The following PTPRS variants were observed in gnomAD, a reference collection of about 807,000 sequenced individuals.
PTPRS encodes the protein receptor-type tyrosine-protein phosphatase S.
Under a neutral mutation model 215.3 loss-of-function variants are expected in PTPRS, and 63 were observed. That is an observed-to-expected ratio of 0.29 (90% CI 0.24 to 0.36). PTPRS has a LOEUF of 0.36. Among genes scored for constraint, PTPRS ranks in the 10% least tolerant of loss-of-function variants. The pLI is 1.00. For synonymous variants in PTPRS, 1,404 were observed against 1,191.4 expected, an observed-to-expected ratio of 1.18 and a Z score of -3.68; for missense variants, 2,258 against 2,825.8, an observed-to-expected ratio of 0.80 and a Z score of 4.56.
intron 1 of PTPRS, among the ~76,000 whole-genome samples, chr19:5,306,711 C>A (rs2049506696): frequency 6.6e-6 from 1 of 152,138 alleles, no homozygotes; most frequent in African/African-American, 2.4e-5. Context: ...GCATTTTTGT[C>A]TCTCACTGGT....
In PTPRS at chr19:5,239,029, A is replaced by T. The variant is rs1281988358; in HGVS notation, c.1739T>A (p.Val580Glu). The change falls in exon 13 of 38, where the codon GTG (valine) becomes GAG (glutamate). Residue 580 changes from valine to glutamate, a missense_variant. This residue lies in a region of PTPRS where 371 missense variants were observed against 446.7 expected (regional missense o/e 0.83). Transcript: ENST00000262963. ...GRTFDPTTSY[V>E]VEDLKPNTEY... is the part of the protein sequence containing the mutation. ...CGTGTTGGGCTTCAGGTCCTCCACC[A>T]CGTAGGAAGTCGTCGGGTCGAAGGT... 6 of 1,613,374 alleles carry T rather than the reference A, an allele frequency of 3.7e-6. No homozygotes were observed. In the Admixed American group the frequency reaches 6.7e-5, roughly 18 times the overall value.
intron 11 of PTPRS, among the ~76,000 whole-genome samples, chr19:5,241,306 C>T (rs113285925): frequency 4.0e-5 from 6 of 151,218 alleles, no homozygotes; most frequent in African/African-American, 1.2e-4. Context: ...GTTTTTGAAA[C>T]GGGGTCTCAC....
At chr19:5,218,221 C>A (rs1407618180) in intron 25 of PTPRS, among the ~76,000 whole-genome samples, 199 bp downstream of exon 25, 1 of 151,192 alleles carries the variant, frequency 6.6e-6, no homozygotes, top group Non-Finnish European at 1.5e-5. Flanking sequence ...AAAAGCCTCA[C>A]TTGGTTGTAA....
chr19:5,234,166 ATTTT>A (rs770942472), intron 13 of PTPRS, among the ~76,000 whole-genome samples: 4,805 of 152,006 alleles, frequency 0.032, 114 homozygotes, highest in Middle Eastern at 0.071. Flanking sequence ...ATATGGTAAA[ATTTT>A]TCTTGTAGTA....
Position 5,211,846 on chromosome 19 carries a change from A to G in PTPRS, c.5056-78T>C, listed in dbSNP as rs897804679. The G allele has an allele frequency of 1.5e-5, 23 of 1,580,464 alleles. No homozygotes were observed. The African/African-American group carries it at 2.4e-4, about 17-fold the overall frequency. ...TTCAGCTGGAGCACCAATGGTGGATAGGTAGGTAGGGGCACCCTGCCACCA... is the reference window on the plus strand; with the variant it reads ...TTCAGCTGGAGCACCAATGGTGGATGGGTAGGTAGGGGCACCCTGCCACCA... On this transcript the variant is annotated intron_variant, in intron 32 of 37. Transcript: ENST00000262963.
chr19:5,229,855 C>A (rs1398096393), intron 14 of PTPRS, among the ~76,000 whole-genome samples, 171 bp from the exon 15 acceptor site: 1 of 151,920 alleles, frequency 6.6e-6, no homozygotes, highest in Admixed American at 6.5e-5. Flanking sequence ...CTGCACACCC[C>A]CCACAGCCCT....
At chr19:5,243,137 TTTTAA>T (rs1019040304) in intron 11 of PTPRS, among the ~76,000 whole-genome samples, 11 of 151,948 alleles carry the variant, frequency 7.2e-5, no homozygotes, top group South Asian at 2.1e-4. Flanking sequence ...TTTTTTTTTT[TTTTAA>T]TTTAATTTTT....
intron 26 of PTPRS, among the ~76,000 whole-genome samples, chr19:5,215,864 T>C (rs1398225989): frequency 1.3e-5 from 2 of 152,090 alleles, no homozygotes; most frequent in Non-Finnish European, 2.9e-5. Flanking sequence ...GATCACAGCA[T>C]TGGCCCATCC....
intron 11 of PTPRS, among the ~76,000 whole-genome samples, chr19:5,241,598 TA>T (rs1403664199): frequency 2.0e-5 from 3 of 151,650 alleles, no homozygotes; most frequent in African/African-American, 7.3e-5. Context: ...GTGCCTATTT[TA>T]ACATTTGGAT....
intron 14 of PTPRS, among the ~76,000 whole-genome samples, chr19:5,229,913 C>G (rs558673355): frequency 3.6e-4 from 54 of 151,968 alleles, no homozygotes; most frequent in Non-Finnish European, 6.0e-4. Context: ...CTGCCCCCCC[C>G]CGAGTCTAAA....
At position 5,265,162 on chromosome 19, in the gene PTPRS, G is replaced by A; in HGVS notation, c.414C>T (p.Asp138=). 6.2e-7 allele frequency: 1 copy of A among 1,613,972 alleles called. No individual in the cohort carries two copies. The highest frequency in any genetic ancestry group is 2.2e-5 in the East Asian group (1 of 44,876). The change falls in exon 5 of 38, where the codon GAC becomes GAT. Residue 138 remains aspartate, a synonymous_variant. Coordinates refer to ENST00000262963, the MANE Select transcript of PTPRS (RefSeq NM_002850.4). ...CCACCACCTTCAACTGTGGGCCCAT[G>A]TCGATGTTGGGGAAGCCAGAGGGCA... is the stretch of plus-strand genomic sequence containing the variant. ...DQLPSGFPNI[D]MGPQLKVVER...
At chr19:5,297,408 G>C (rs768277274) in intron 1 of PTPRS, among the ~76,000 whole-genome samples, 1 of 152,168 alleles carries the variant, frequency 6.6e-6, no homozygotes, top group Non-Finnish European at 1.5e-5. Context: ...TTCTTTCCCT[G>C]TACATGTGCT....
rs753793633 is a variant in PTPRS, at chr19:5,222,778, G to A, written c.3014C>T (p.Ala1005Val). Residue 1005 changes from alanine to valine, a missense_variant, in exon 18 of 38, where the codon GCC (alanine) becomes GTC (valine). Ala to Val is a moderately conservative substitution (Grantham distance 64). Transcript: ENST00000262963. ...GTGGGCTCGCACTTGGAGGTCATAG[G>A]CCGTGTCGGGCTTCAGGCCCTGCAG... Reference protein sequence around the residue: ...LTLQGLKPDTAYDLQVRAHTR... With the variant: ...LTLQGLKPDTVYDLQVRAHTR... 1.3e-6 allele frequency: 2 copies of A among 1,598,822 alleles called. No homozygotes were observed. The highest frequency in any genetic ancestry group is 2.2e-5 in the East Asian group (1 of 44,772).
rs2041720267 is a variant in PTPRS, at chr19:5,218,816, C to T, written c.3924-18G>A. 1.3e-6 allele frequency: 2 copies of T among 1,598,126 alleles called. No individual in the cohort carries two copies. The highest frequency in any genetic ancestry group is 1.7e-6 in the Non-Finnish European group (2 of 1,173,866). On this transcript the variant is annotated intron_variant, in intron 23 of 37. Coordinates refer to ENST00000262963, the MANE Select transcript of PTPRS (RefSeq NM_002850.4). ...CGGGTTTGCTGTTCCCGAAAGCAGA[C>T]ACAGGTGAGAAGGGGGAAAAAAAGA...
chr19:5,218,720 ACTAT>A, intron 24 of PTPRS, 63 bp downstream of exon 24: 2 of 1,586,116 alleles, frequency 1.3e-6, no homozygotes. Flanking sequence ...CTGTGGGCAC[ACTAT>A]CAGCCCATTC....
chr19:5,254,110 T>C (rs1181558932), intron 9 of PTPRS, among the ~76,000 whole-genome samples: 1 of 152,162 alleles, frequency 6.6e-6, no homozygotes, highest in Non-Finnish European at 1.5e-5. Flanking sequence ...GACCCTCTGT[T>C]CACTCAGTTC....
chr19:5,222,773 C>G lies in PTPRS; in HGVS notation c.3019G>C (p.Asp1007His). ...CGCGTGTGGGCTCGCACTTGGAGGT[C>G]ATAGGCCGTGTCGGGCTTCAGGCCC... ...LQGLKPDTAY[D>H]LQVRAHTRRG... Residue 1007 changes from aspartate to histidine, a missense_variant, in exon 18 of 38, where the codon GAC (aspartate) becomes CAC (histidine). By Grantham distance (81) the Asp-to-His change is moderately conservative. This residue lies in a region of PTPRS where 361 missense variants were observed against 332.6 expected (regional missense o/e 1.09). Transcript: ENST00000262963. The G allele has an allele frequency of 6.3e-7, 1 of 1,599,050 alleles. No individual in the cohort carries two copies. The highest frequency in any genetic ancestry group is 8.5e-7 in the Non-Finnish European group (1 of 1,178,666).
rs568440488 is a variant in PTPRS, at chr19:5,237,538, G to A, written c.1849+1381C>T. On this transcript the variant is annotated intron_variant, in intron 13 of 37. Transcript: ENST00000262963. This position sits in a 1 kb window ranked among gnomAD's most constrained non-coding sequence, Gnocchi z 4.2. ...GCAAAGACGTGGATGTGCGTGCGTGGGCAGCGTGGCATGGTGGTGGCACGT... is the reference window on the plus strand; with the variant it reads ...GCAAAGACGTGGATGTGCGTGCGTGAGCAGCGTGGCATGGTGGTGGCACGT... Among the ~76,000 whole-genome samples the A allele has an allele frequency of 2.0e-4, 31 of 152,332 alleles. No homozygotes were observed. The highest frequency in any genetic ancestry group is 1.9e-3 in the East Asian group (10 of 5,176).
chr19:5,262,905 G>T, intron 6 of PTPRS, 59 bp downstream of exon 6: 1 of 1,515,134 alleles, frequency 6.6e-7, no homozygotes, highest in Non-Finnish European at 9.1e-7. Flanking sequence ...AAGGGGAGCA[G>T]AAGGGGCACA....
Sources: gnomAD v4.1 joint callset for allele counts (sites outside exome capture counted in the v4.1 genomes callset) on GRCh38, gnomAD v4.1.1 for gene constraint, gnomAD v4.1.1 regional missense constraint, Gnocchi (gnomAD v3.1) non-coding constraint, MANE v1.5 for transcripts, NCBI Gene and HGNC (gene_info 2026-07-23, HGNC 2026-07-21) for gene names.